ERBB4: variants seen among roughly 807,000 people sequenced by gnomAD.
ERBB4 encodes receptor tyrosine-protein kinase erbB-4.
Under a neutral mutation model 158.0 loss-of-function variants are expected in ERBB4, and 42 were observed. The ratio of observed to expected loss-of-function variants is 0.27; its 90% CI spans 0.21 to 0.34. ERBB4 has a LOEUF of 0.34. Ranked by LOEUF, ERBB4 falls within the 10% of genes least tolerant of loss-of-function variation. ERBB4 has a pLI of 1.00. For missense variants in ERBB4, 1,333 were observed against 1,624.1 expected (o/e 0.82, Z 3.08); for synonymous variants, 583 against 558.7 (o/e 1.04, Z -0.61).
intron 25 of ERBB4, among the ~76,000 whole-genome samples, chr2:211,396,441 G>C (rs2062920146): frequency 6.6e-6 from 1 of 152,018 alleles, no homozygotes; most frequent in East Asian, 1.9e-4. Flanking sequence ...TTAGAGTTTA[G>C]AGTTATTTAC....
At chr2:212,526,939 T>A (rs1165320289) in intron 1 of ERBB4, among the ~76,000 whole-genome samples, 1 of 152,090 alleles carries the variant, frequency 6.6e-6, no homozygotes, top group Non-Finnish European at 1.5e-5. Context: ...AGCCATTTTC[T>A]TATTTTAAAG....
At chr2:212,109,581 G>A (rs2079340683) in intron 2 of ERBB4, among the ~76,000 whole-genome samples, 1 of 152,124 alleles carries the variant, frequency 6.6e-6, no homozygotes, top group Non-Finnish European at 1.5e-5. Flanking sequence ...TTACATGCAA[G>A]GTCTTTATCT....
At chr2:212,249,588 C>T (rs1386400285) in intron 1 of ERBB4, among the ~76,000 whole-genome samples, 1 of 151,812 alleles carries the variant, frequency 6.6e-6, no homozygotes, top group Non-Finnish European at 1.5e-5. Context: ...ATTAAAAACA[C>T]CATAGAATTA....
intron 1 of ERBB4, among the ~76,000 whole-genome samples, chr2:212,175,051 A>G (rs576013745): frequency 5.9e-5 from 9 of 152,020 alleles, no homozygotes; most frequent in Admixed American, 1.3e-4. Flanking sequence ...AAGAATGCCT[A>G]TTTTCTTTGT....
chr2:212,187,421 T>TAATAATAAATA (rs1553585300), intron 1 of ERBB4, among the ~76,000 whole-genome samples: 1 of 146,702 alleles, frequency 6.8e-6, no homozygotes, highest in Non-Finnish European at 1.5e-5. Context: ...TAAAGTATAA[T>TAATAATAAATA]AATAAATAAA....
intron 2 of ERBB4, among the ~76,000 whole-genome samples, chr2:212,020,292 T>C (rs1456904269): frequency 1.3e-5 from 2 of 152,110 alleles, no homozygotes; most frequent in African/African-American, 2.4e-5. Flanking sequence ...AGACTCAATA[T>C]GCTAGGACAA....
chr2:212,342,696 A>T (rs1020438213), intron 1 of ERBB4, among the ~76,000 whole-genome samples: 11 of 152,184 alleles, frequency 7.2e-5, no homozygotes, highest in Non-Finnish European at 1.0e-4. Context: ...GATTATCCCA[A>T]ATATTATCAT....
intron 2 of ERBB4, among the ~76,000 whole-genome samples, chr2:211,980,412 T>A (rs1286041129): frequency 1.3e-5 from 2 of 152,196 alleles, no homozygotes; most frequent in Non-Finnish European, 2.9e-5. Context: ...ATTCATACTC[T>A]GAATGAATCT....
chr2:212,297,865 A>G (rs1005875662), intron 1 of ERBB4, among the ~76,000 whole-genome samples: 1 of 151,592 alleles, frequency 6.6e-6, no homozygotes, highest in African/African-American at 2.4e-5. Flanking sequence ...TCCTCAAAAT[A>G]CTACATGAAA....
At chr2:212,510,852 A>T (rs1218974083) in intron 1 of ERBB4, among the ~76,000 whole-genome samples, 1 of 152,146 alleles carries the variant, frequency 6.6e-6, no homozygotes, top group Non-Finnish European at 1.5e-5. Context: ...GTGCCCGTTA[A>T]TAAATAGAAA....
chr2:211,798,261 T>C (rs1057243253), intron 3 of ERBB4, among the ~76,000 whole-genome samples: 1 of 152,124 alleles, frequency 6.6e-6, no homozygotes, highest in Non-Finnish European at 1.5e-5. Context: ...ACAATATGTA[T>C]CTTATTCCTT....
intron 3 of ERBB4, among the ~76,000 whole-genome samples, chr2:211,926,077 C>A (rs749228053): frequency 6.6e-6 from 1 of 152,052 alleles, no homozygotes; most frequent in Non-Finnish European, 1.5e-5. Flanking sequence ...GAGGTGGTTG[C>A]GTCAGTTGGC....
chr2:211,900,281 G>T (rs2079199959), intron 3 of ERBB4, among the ~76,000 whole-genome samples: 1 of 152,016 alleles, frequency 6.6e-6, no homozygotes, highest in Non-Finnish European at 1.5e-5. Flanking sequence ...TCAACACAGA[G>T]AAAGCAGTTG....
intron 1 of ERBB4, among the ~76,000 whole-genome samples, chr2:212,230,842 A>G (rs930975999): frequency 1.3e-5 from 2 of 152,174 alleles, no homozygotes; most frequent in Non-Finnish European, 2.9e-5. Context: ...TCAAAAATCC[A>G]ATGAGCAGTA....
intron 19 of ERBB4, among the ~76,000 whole-genome samples, chr2:211,599,536 T>TGTGTGTGTGTGTGTGTGTGTGTGTGTGTG (rs1559336933): frequency 1.3e-5 from 2 of 150,370 alleles, no homozygotes; most frequent in African/African-American, 4.9e-5. Flanking sequence ...TGTGTGTGTG[T>TGTGTGTGTGTGTGTGTGTGTGTGTGTGTG]TTCCTGTCAA....
chr2:212,050,469 C>G (rs1387353671), intron 2 of ERBB4, among the ~76,000 whole-genome samples: 2 of 152,070 alleles, frequency 1.3e-5, no homozygotes, highest in Non-Finnish European at 2.9e-5. Context: ...TGGAATAGTC[C>G]TCCTGGTTTG....
At chr2:211,700,695 CTATT>C (rs1299703778) in intron 12 of ERBB4, among the ~76,000 whole-genome samples, 5 of 152,188 alleles carry the variant, frequency 3.3e-5, no homozygotes, top group African/African-American at 1.2e-4. Context: ...AAAAAGTCTT[CTATT>C]TATTCACACA....
intron 3 of ERBB4, among the ~76,000 whole-genome samples, chr2:211,917,202 T>C (rs2079719982): frequency 6.6e-6 from 1 of 152,224 alleles, no homozygotes; most frequent in Non-Finnish European, 1.5e-5. Context: ...ACACGTGTTC[T>C]ATTTTCATCC....
intron 20 of ERBB4, among the ~76,000 whole-genome samples, chr2:211,483,652 A>T (rs2065137586): frequency 1.3e-5 from 2 of 152,176 alleles, no homozygotes; most frequent in East Asian, 3.9e-4. Flanking sequence ...CCCAGATTCA[A>T]GTGATTCTCA....
Sources: gnomAD v4.1 joint callset for allele counts (sites outside exome capture counted in the v4.1 genomes callset) on GRCh38, gnomAD v4.1.1 for gene constraint, MANE v1.5 for transcripts, NCBI Gene and HGNC (gene_info 2026-07-23, HGNC 2026-07-21) for gene names.